TENM1: variants seen among roughly 807,000 people sequenced by gnomAD.
The protein encoded by TENM1 is teneurin transmembrane protein 1.
Under a neutral mutation model 174.8 loss-of-function variants are expected in TENM1, and 35 were observed. The ratio of observed to expected loss-of-function variants is 0.20; its 90% CI spans 0.15 to 0.27. The LOEUF (loss-of-function observed/expected upper bound fraction) is 0.27, where lower values mean the gene tolerates loss of function less well. TENM1 is among the 10% of genes least tolerant of loss of function. The pLI is 1.00. For synonymous variants in TENM1, 781 were observed against 798.7 expected, an observed-to-expected ratio of 0.98 and a Z score of 0.37; for missense variants, 1,633 against 2,130.1, an observed-to-expected ratio of 0.77 and a Z score of 4.59.
At chrX:124,578,670 C>G (rs2049229458) in intron 11 of TENM1, among the ~76,000 whole-genome samples, 1 of 112,025 alleles carries the variant, frequency 8.9e-6, no homozygotes, top group Non-Finnish European at 1.9e-5. Context: ...TGGCCCTTCA[C>G]CATCTTTTGT....
chrX:125,002,493 C>G, the TENM1 span, among the ~76,000 whole-genome samples: 1 of 110,955 alleles, frequency 9.0e-6, no homozygotes. Context: ...TGTGAGTTAT[C>G]TAGGGTCGTT....
At chrX:124,893,084 A>G (rs1326851446) in intron 3 of TENM1, among the ~76,000 whole-genome samples, 1 of 112,405 alleles carries the variant, frequency 8.9e-6, no homozygotes, top group East Asian at 2.8e-4. Flanking sequence ...TCAAGGATCT[A>G]TGGAAATGCT....
intron 3 of TENM1, among the ~76,000 whole-genome samples, chrX:124,742,999 TA>T (rs751964174): frequency 2.0e-4 from 22 of 111,529 alleles, no homozygotes; most frequent in Non-Finnish European, 3.8e-4. Flanking sequence ...TTATTAATAT[TA>T]ACTATTACTA....
chrX:124,939,358 A>G (rs984638720), intron 1 of TENM1, among the ~76,000 whole-genome samples: 1 of 111,541 alleles, frequency 9.0e-6, no homozygotes, highest in African/African-American at 3.3e-5. Flanking sequence ...TGTTTTAACT[A>G]GTCTTTCAAC....
the TENM1 span, among the ~76,000 whole-genome samples, chrX:125,061,771 C>G: frequency 2.7e-5 from 3 of 111,810 alleles, no homozygotes; most frequent in African/African-American, 9.8e-5. Flanking sequence ...ACAAAACAAA[C>G]TAGTGGTGTG....
At chrX:125,182,401 A>C in the TENM1 span, among the ~76,000 whole-genome samples, 1 of 90,722 alleles carries the variant, frequency 1.1e-5, no homozygotes, top group Non-Finnish European at 2.1e-5. Flanking sequence ...TTCACATGAC[A>C]TGCCATATTC....
the TENM1 span, among the ~76,000 whole-genome samples, chrX:125,155,516 G>A: frequency 9.1e-6 from 1 of 110,397 alleles, no homozygotes; most frequent in Admixed American, 9.5e-5. Context: ...CCGTGGAGCA[G>A]GGGGTGGCGC....
At chrX:124,405,347 G>GA (rs1383333228) in intron 26 of TENM1, 81 bp from the exon 30 acceptor site, 2 of 836,825 alleles carry the variant, frequency 2.4e-6, no homozygotes, top group African/African-American at 4.0e-5. Flanking sequence ...TTAGTTTTAG[G>GA]AGGCACGTTT....
chrX:125,004,979 C>T, the TENM1 span, among the ~76,000 whole-genome samples: 1 of 110,796 alleles, frequency 9.0e-6, no homozygotes, highest in East Asian at 2.9e-4. Context: ...AGTGACAGAA[C>T]AGAAACCATG....
At chrX:124,934,289 G>A (rs2058214351) in intron 1 of TENM1, among the ~76,000 whole-genome samples, 1 of 112,330 alleles carries the variant, frequency 8.9e-6, no homozygotes, top group South Asian at 3.6e-4. Context: ...CAAACAGACT[G>A]CATTACATGA....
At chrX:124,755,853 G>T (rs1462405695) in intron 3 of TENM1, among the ~76,000 whole-genome samples, 1 of 108,284 alleles carries the variant, frequency 9.2e-6, no homozygotes, top group East Asian at 2.9e-4. Context: ...TCTGCCGAGA[G>T]ATCTGCTGTT....
chrX:125,190,051 T>C, the TENM1 span, among the ~76,000 whole-genome samples: 1 of 111,711 alleles, frequency 9.0e-6, no homozygotes, highest in Non-Finnish European at 1.9e-5. Context: ...ATTTTTTTAA[T>C]GGGACGTTTA....
At chrX:124,756,187 T>G (rs778827740) in intron 3 of TENM1, among the ~76,000 whole-genome samples, 9 of 101,184 alleles carry the variant, frequency 8.9e-5, no homozygotes, top group Middle Eastern at 4.8e-3. Flanking sequence ...TTTGTTCGTT[T>G]CTTTTTATTT....
rs753432314 is a variant in TENM1 at position 124,481,710 on chromosome X, T to TATA, written c.3949+21_3949+22insTAT. 17 of 400,830 alleles carry TATA rather than the reference T, an allele frequency of 4.2e-5. No individual in the cohort carries two copies. In the South Asian group the frequency reaches 4.4e-4, roughly 10 times the overall value. 33.0% of individuals were successfully genotyped at this position (400,830 alleles called of 1,213,427 possible). A position where few individuals can be genotyped will look rare whatever the true frequency, so the allele number is the denominator to read the frequency against. ...TGACCCAAGGGTATATATATATATA[T>TATA]ATTTATTTATTTATTTTTTACCTCG... is the stretch of plus-strand genomic sequence containing the variant. On this transcript the variant is annotated intron_variant, in intron 22 of 31. Transcript: ENST00000422452.
chrX:124,585,818 T>C (rs924341397), intron 11 of TENM1, among the ~76,000 whole-genome samples: 1 of 111,053 alleles, frequency 9.0e-6, no homozygotes, highest in Non-Finnish European at 1.9e-5. Flanking sequence ...AAAGACAGAA[T>C]AATCAAATAT....
chrX:124,758,708 A>T (rs906016372), intron 3 of TENM1, among the ~76,000 whole-genome samples: 2 of 111,899 alleles, frequency 1.8e-5, no homozygotes, highest in African/African-American at 6.5e-5. Flanking sequence ...CAGCCTTAAA[A>T]AAGGAGATCC....
intron 3 of TENM1, among the ~76,000 whole-genome samples, chrX:124,748,198 G>A (rs754723837): frequency 1.5e-4 from 17 of 111,139 alleles, no homozygotes; most frequent in Non-Finnish European, 3.0e-4. Flanking sequence ...TCAAATTCTT[G>A]CCCTGGCAGC....
the TENM1 span, among the ~76,000 whole-genome samples, chrX:125,148,614 A>G: frequency 9.0e-6 from 1 of 111,710 alleles, no homozygotes; most frequent in African/African-American, 3.3e-5. Context: ...CAAGTTCCAT[A>G]GTTCTAAATG....
chrX:125,016,590 C>T, the TENM1 span, among the ~76,000 whole-genome samples: 16 of 111,456 alleles, frequency 1.4e-4, no homozygotes, highest in Admixed American at 3.8e-4. Flanking sequence ...AAAAACATTC[C>T]ATGTTCATGG....
Sources: gnomAD v4.1 joint callset for allele counts (sites outside exome capture counted in the v4.1 genomes callset) on GRCh38, gnomAD v4.1.1 for gene constraint, MANE v1.5 for transcripts, NCBI Gene and HGNC (gene_info 2026-07-23, HGNC 2026-07-21) for gene names.